The following CEP128 variants were observed in gnomAD, a reference collection of about 807,000 sequenced individuals.
CEP128 encodes the protein centrosomal protein 128, also known as centrosomal protein 128kDa.
A neutral mutation model predicts 156.7 loss-of-function variants in CEP128; 132 were observed. The ratio of observed to expected loss-of-function variants is 0.84; its 90% CI spans 0.73 to 0.97. The LOEUF is 0.97. CEP128 is among the 50% of genes least tolerant of loss of function. CEP128 has a pLI of 0.00. For missense variants in CEP128, 1,252 were observed against 1,281.9 expected (o/e 0.98, Z 0.36); for synonymous variants, 469 against 448.9 (o/e 1.04, Z -0.57).
At chr14:80,723,343 C>T (rs1897896944) in intron 19 of CEP128, among the ~76,000 whole-genome samples, 1 of 152,200 alleles carries the variant, frequency 6.6e-6, no homozygotes, top group South Asian at 2.1e-4. Flanking sequence ...CAAACCTGCT[C>T]ATCGCTTCCA....
At chr14:80,917,476 T>C (rs559334437) in intron 2 of CEP128, among the ~76,000 whole-genome samples, 32 of 152,366 alleles carry the variant, frequency 2.1e-4, no homozygotes, top group Admixed American at 2.1e-3. Context: ...CTAAAATCTA[T>C]ATGGCCATTT....
intron 19 of CEP128, among the ~76,000 whole-genome samples, chr14:80,647,562 A>G (rs1026329868): frequency 6.6e-5 from 10 of 152,034 alleles, no homozygotes; most frequent in Non-Finnish European, 7.4e-5. Flanking sequence ...GGCAATGACT[A>G]TCAAGACTCA....
intron 1 of CEP128, among the ~76,000 whole-genome samples, chr14:80,959,017 T>G (rs1886869878): frequency 6.6e-6 from 1 of 152,248 alleles, no homozygotes; most frequent in Admixed American, 6.5e-5. Flanking sequence ...AACTTTATCT[T>G]CTACTCATAG....
chr14:80,685,101 A>T (rs1189443387), intron 19 of CEP128, among the ~76,000 whole-genome samples: 1 of 152,130 alleles, frequency 6.6e-6, no homozygotes, highest in Admixed American at 6.6e-5. Context: ...TAGCCAAAGC[A>T]GTCAGGCAAG....
chr14:80,684,988 A>G (rs1179224245), intron 19 of CEP128, among the ~76,000 whole-genome samples: 1 of 152,196 alleles, frequency 6.6e-6, no homozygotes, highest in Non-Finnish European at 1.5e-5. Context: ...CACAGTCAAC[A>G]TCGTGCAGAA....
intron 19 of CEP128, among the ~76,000 whole-genome samples, chr14:80,641,581 T>A (rs1838761005): frequency 6.6e-6 from 1 of 152,200 alleles, no homozygotes; most frequent in South Asian, 2.1e-4. Flanking sequence ...CAAATGCTTG[T>A]TGAATTAAAA....
At chr14:80,950,721 T>A (rs1886445292) in intron 2 of CEP128, among the ~76,000 whole-genome samples, 1 of 151,714 alleles carries the variant, frequency 6.6e-6, no homozygotes. Context: ...AGGGGGAAAA[T>A]CATAGATGCA....
chr14:80,688,899 TTGGGG>T (rs557516188), intron 19 of CEP128, among the ~76,000 whole-genome samples: 4 of 152,240 alleles, frequency 2.6e-5, no homozygotes, highest in Admixed American at 2.0e-4. Context: ...CCAAATCCTT[TTGGGG>T]GCAGACATTA....
chr14:80,549,451 C>T (rs1292702657), intron 21 of CEP128, among the ~76,000 whole-genome samples: 3 of 152,156 alleles, frequency 2.0e-5, no homozygotes, highest in Non-Finnish European at 4.4e-5. Context: ...GCCAATTGGA[C>T]TGAACCTTTC....
At chr14:80,703,775 C>T (rs1056900904) in intron 19 of CEP128, among the ~76,000 whole-genome samples, 4 of 151,768 alleles carry the variant, frequency 2.6e-5, no homozygotes, top group African/African-American at 9.7e-5. Context: ...TAGTTTTTAC[C>T]CACACTTGTG....
intron 13 of CEP128, among the ~76,000 whole-genome samples, chr14:80,805,253 T>C (rs1477771534): frequency 2.6e-5 from 4 of 152,062 alleles, no homozygotes; most frequent in Non-Finnish European, 5.9e-5. Flanking sequence ...AGATTTGGAA[T>C]GTGGAAATGA....
At chr14:80,776,038 T>G (rs1900772640) in intron 16 of CEP128, among the ~76,000 whole-genome samples, 2 of 152,136 alleles carry the variant, frequency 1.3e-5, no homozygotes, top group South Asian at 4.1e-4. Flanking sequence ...TTCACCACGT[T>G]GGCCAGGCTG....
At position 80,506,208 on chromosome 14, in the gene CEP128, TAA is replaced by T. The variant is rs1887962868; in HGVS notation, c.3073-1190_3073-1189del. Among the ~76,000 whole-genome samples the T allele has an allele frequency of 2.0e-5, 3 of 151,810 alleles. No individual in the cohort carries two copies. The South Asian group carries it at 6.3e-4, about 32-fold the overall frequency. On this transcript the variant is annotated intron_variant, in intron 23 of 24. Transcript: ENST00000555265. ...CAGGGAATGATGTTCCAGACTCAAG[TAA>T]GTGTGGAGGTGAGAAAGAGTTTGGT...
At chr14:80,903,858 A>G (rs1205111155) in intron 6 of CEP128, among the ~76,000 whole-genome samples, 1 of 152,138 alleles carries the variant, frequency 6.6e-6, no homozygotes, top group Non-Finnish European at 1.5e-5. Context: ...GTTGGACATG[A>G]CATGAAGGAA....
At chr14:80,899,822 G>A in intron 7 of CEP128, 116 bp downstream of exon 7, 1 of 632,700 alleles carries the variant, frequency 1.6e-6, no homozygotes, top group Non-Finnish European at 2.8e-6. Flanking sequence ...TAAATTTTAA[G>A]GTACTGTATA....
At chr14:80,868,143 G>A (rs1208548834) in intron 8 of CEP128, among the ~76,000 whole-genome samples, 1 of 152,020 alleles carries the variant, frequency 6.6e-6, no homozygotes, top group Non-Finnish European at 1.5e-5. Context: ...ATAAAAGGGA[G>A]TTCTTCAAGA....
intron 8 of CEP128, among the ~76,000 whole-genome samples, chr14:80,876,196 A>T (rs143186344): frequency 2.4e-4 from 37 of 152,208 alleles, no homozygotes; most frequent in African/African-American, 7.5e-4. Flanking sequence ...ACACACACAC[A>T]CACATGCACA....
intron 19 of CEP128, among the ~76,000 whole-genome samples, chr14:80,718,680 T>C (rs1041255887): frequency 1.3e-5 from 2 of 152,206 alleles, no homozygotes; most frequent in African/African-American, 4.8e-5. Context: ...AAAAGGATTC[T>C]GACAGTCTCT....
intron 21 of CEP128, among the ~76,000 whole-genome samples, chr14:80,534,354 T>C (rs1306184947): frequency 6.6e-6 from 1 of 152,206 alleles, no homozygotes; most frequent in Non-Finnish European, 1.5e-5. Flanking sequence ...AGCAGATGAA[T>C]AGTTTAAAAT....
Sources: gnomAD v4.1 joint callset for allele counts (sites outside exome capture counted in the v4.1 genomes callset) on GRCh38, gnomAD v4.1.1 for gene constraint, MANE v1.5 for transcripts, NCBI Gene and HGNC (gene_info 2026-07-23, HGNC 2026-07-21) for gene names.